The following MTHFD1L variants were observed in gnomAD, a reference collection of about 807,000 sequenced individuals.
MTHFD1L encodes methylenetetrahydrofolate dehydrogenase (NADP+ dependent) 1 like.
MTHFD1L carries 81 observed loss-of-function variants against 119.5 expected under a neutral mutation model. The observed-to-expected ratio is 0.68, with a 90% CI of 0.57 to 0.82. The LOEUF (loss-of-function observed/expected upper bound fraction) is 0.82, where lower values mean the gene tolerates loss of function less well. MTHFD1L is among the 40% of genes least tolerant of loss of function. MTHFD1L has a pLI of 0.00. For synonymous variants in MTHFD1L, 430 were observed against 475.2 expected (o/e 0.90, Z 1.24); for missense variants, 1,125 against 1,253.4 (o/e 0.90, Z 1.55).
At chr6:151,003,032 C>T (rs773493529) in intron 20 of MTHFD1L, among the ~76,000 whole-genome samples, 1 of 152,148 alleles carries the variant, frequency 6.6e-6, no homozygotes, top group Non-Finnish European at 1.5e-5. Context: ...AGAACCGCCT[C>T]CAGTCGAGAA....
intron 24 of MTHFD1L, among the ~76,000 whole-genome samples, chr6:151,031,458 A>G (rs560325709): frequency 1.1e-3 from 167 of 152,348 alleles, no homozygotes; most frequent in Middle Eastern, 3.4e-3. Flanking sequence ...CCCCAAGGGC[A>G]TCTAGATGTC....
At chr6:150,968,287 G>C (rs1466326770) in intron 19 of MTHFD1L, among the ~76,000 whole-genome samples, 1 of 151,250 alleles carries the variant, frequency 6.6e-6, no homozygotes, top group Non-Finnish European at 1.5e-5. Context: ...TCTAGAAAGT[G>C]CCCGACACCT....
intron 24 of MTHFD1L, among the ~76,000 whole-genome samples, chr6:151,025,222 C>A (rs1446793067): frequency 6.6e-6 from 1 of 152,234 alleles, no homozygotes; most frequent in East Asian, 1.9e-4. Context: ...GCTCAGGGCC[C>A]GCGAGCCCAC....
intron 20 of MTHFD1L, among the ~76,000 whole-genome samples, chr6:151,000,523 T>C (rs1780473693): frequency 6.6e-6 from 1 of 152,196 alleles, no homozygotes; most frequent in South Asian, 2.1e-4. Context: ...TAGTGGTTAG[T>C]GAAATTTCAT....
At chr6:150,998,436 T>G (rs1780127556) in intron 20 of MTHFD1L, among the ~76,000 whole-genome samples, 1 of 152,142 alleles carries the variant, frequency 6.6e-6, no homozygotes. Context: ...CAAAAAAAAG[T>G]TACTGCATGG....
intron 21 of MTHFD1L, among the ~76,000 whole-genome samples, chr6:151,012,617 T>C (rs1782460621): frequency 6.6e-6 from 1 of 152,174 alleles, no homozygotes; most frequent in African/African-American, 2.4e-5. Context: ...TAACTAATAT[T>C]GTGCTATGCT....
intron 11 of MTHFD1L, among the ~76,000 whole-genome samples, chr6:150,932,498 G>A (rs1366406985): frequency 2.6e-5 from 4 of 152,016 alleles, no homozygotes; most frequent in South Asian, 2.1e-4. Flanking sequence ...AGGGCTGGGC[G>A]TGGTGGCTCA....
At chr6:150,921,975 C>T (rs766299418) in intron 9 of MTHFD1L, among the ~76,000 whole-genome samples, 2 of 152,106 alleles carry the variant, frequency 1.3e-5, no homozygotes, top group Non-Finnish European at 2.9e-5. Context: ...CTCTTCAGTG[C>T]GATATTGAAT....
intron 7 of MTHFD1L, among the ~76,000 whole-genome samples, chr6:150,891,587 C>T (rs1163066901): frequency 1.4e-5 from 2 of 147,818 alleles, no homozygotes; most frequent in African/African-American, 2.5e-5. Flanking sequence ...ATTAGGATTC[C>T]ATGCAAATGA....
At chr6:151,086,640 A>G (rs1235222970) in intron 26 of MTHFD1L, among the ~76,000 whole-genome samples, 2 of 151,908 alleles carry the variant, frequency 1.3e-5, no homozygotes, top group Non-Finnish European at 1.5e-5. Flanking sequence ...AGATCCTCCC[A>G]CCTCAGCCCC....
At chr6:150,965,931 G>T (rs1020637026) in intron 19 of MTHFD1L, among the ~76,000 whole-genome samples, 3 of 152,162 alleles carry the variant, frequency 2.0e-5, no homozygotes, top group Non-Finnish European at 4.4e-5. Context: ...GTCATGAGGG[G>T]CAGAGTGATG....
intron 8 of MTHFD1L, among the ~76,000 whole-genome samples, chr6:150,912,273 A>G (rs1428435425): frequency 6.6e-6 from 1 of 150,860 alleles, no homozygotes; most frequent in Non-Finnish European, 1.5e-5. Context: ...CAATATATTT[A>G]ACTGAAAAAC....
At chr6:150,927,455 CTTTT>C (rs543783528) in intron 11 of MTHFD1L, among the ~76,000 whole-genome samples, 5 of 125,052 alleles carry the variant, frequency 4.0e-5, no homozygotes, top group Non-Finnish European at 3.3e-5. Context: ...ATCCCAGATT[CTTTT>C]TTTTTTTTTT....
At chr6:151,076,259 TG>T (rs1272058180) in intron 26 of MTHFD1L, among the ~76,000 whole-genome samples, 1 of 151,630 alleles carries the variant, frequency 6.6e-6, no homozygotes, top group Non-Finnish European at 1.5e-5. Flanking sequence ...GAGGATGAGG[TG>T]GGAGGATTGC....
intron 10 of MTHFD1L, among the ~76,000 whole-genome samples, chr6:150,922,854 A>AG (rs11397501): frequency 0.089 from 13,470 of 152,014 alleles, 848 homozygotes; most frequent in African/African-American, 0.17. Context: ...CATTTTGGCC[A>AG]GCCGGTCTCA....
intron 27 of MTHFD1L, chr6:151,100,034 C>CCT: frequency 4.2e-6 from 2 of 473,394 alleles, no homozygotes; most frequent in Non-Finnish European, 7.5e-6. Context: ...TCTTTCTTTT[C>CCT]TTTTTTTTTT....
intron 24 of MTHFD1L, among the ~76,000 whole-genome samples, chr6:151,021,779 T>G (rs1041464378): frequency 1.3e-5 from 2 of 152,246 alleles, no homozygotes; most frequent in Non-Finnish European, 2.9e-5. Context: ...ACGTTTTTCC[T>G]TCTCCGTGAG....
chr6:150,967,513 G>A (rs986249213), intron 19 of MTHFD1L, among the ~76,000 whole-genome samples: 5 of 152,182 alleles, frequency 3.3e-5, no homozygotes, highest in African/African-American at 1.2e-4. Context: ...TAGTTACCAG[G>A]AGCCACGTGG....
At chr6:150,904,589 A>G (rs978125605) in intron 7 of MTHFD1L, among the ~76,000 whole-genome samples, 1 of 152,174 alleles carries the variant, frequency 6.6e-6, no homozygotes, top group Non-Finnish European at 1.5e-5. Context: ...TCTCTTCTGC[A>G]AGTCTAATAT....
Sources: allele counts gnomAD v4.1 joint callset (sites outside exome capture counted in the v4.1 genomes callset), GRCh38; gene constraint gnomAD v4.1.1; transcripts MANE v1.5; gene names NCBI Gene and HGNC (gene_info 2026-07-23, HGNC 2026-07-21).